LRRC4C: variants seen among roughly 807,000 people sequenced by gnomAD.
LRRC4C encodes leucine rich repeat containing 4C, also known as leucine-rich repeat-containing protein 4C.
LRRC4C carries 5 observed loss-of-function variants against 33.6 expected under a neutral mutation model. The ratio of observed to expected loss-of-function variants is 0.15; its 90% CI spans 0.08 to 0.31. The LOEUF is 0.31. Ranked by LOEUF, LRRC4C falls within the 10% of genes least tolerant of loss-of-function variation. The pLI is 1.00. For missense variants in LRRC4C, 560 were observed against 796.7 expected (o/e 0.70, Z 3.58); for synonymous variants, 329 against 302.0 (o/e 1.09, Z -0.93).
chr11:40,736,380 G>T (rs1185482760), intron 2 of LRRC4C, among the ~76,000 whole-genome samples: 2 of 152,054 alleles, frequency 1.3e-5, no homozygotes, highest in Non-Finnish European at 2.9e-5. Flanking sequence ...TCCATGGTGT[G>T]TACGAGCCAC....
intron 2 of LRRC4C, among the ~76,000 whole-genome samples, chr11:40,739,236 C>T (rs894064894): frequency 6.6e-6 from 1 of 152,040 alleles, no homozygotes; most frequent in African/African-American, 2.4e-5. Context: ...CATGTCCTAG[C>T]AACCTCCATT....
At chr11:40,597,719 TA>T (rs1321096108) in intron 3 of LRRC4C, among the ~76,000 whole-genome samples, 1 of 152,106 alleles carries the variant, frequency 6.6e-6, no homozygotes, top group East Asian at 1.9e-4. Flanking sequence ...AAAGAGGGCT[TA>T]AGGAACGCTG....
chr11:40,693,465 A>T (rs189769800), intron 2 of LRRC4C, among the ~76,000 whole-genome samples: 2 of 152,254 alleles, frequency 1.3e-5, no homozygotes, highest in African/African-American at 4.8e-5. Flanking sequence ...AATGAAGCAA[A>T]GTACATGTGT....
At position 41,153,274 on chromosome 11, in the gene LRRC4C, C is replaced by A. The variant is rs558698215; in HGVS notation, c.-495-219551G>T. On this transcript the variant is annotated intron_variant, in intron 1 of 6. Transcript: ENST00000528697. ...TCAGTTACTAGATATTGAGTACATGCATCAATCAACTGAGTTGAATACTTT... is the reference window on the plus strand; with the variant it reads ...TCAGTTACTAGATATTGAGTACATGAATCAATCAACTGAGTTGAATACTTT... 6.6e-5 allele frequency among the ~76,000 whole-genome samples: 10 copies of A among 152,218 alleles called. No individual in the cohort carries two copies. The South Asian group carries it at 1.5e-3, about 22-fold the overall frequency.
rs1943902237 is a variant in LRRC4C, at chr11:40,287,239, C to A, written c.-176+32389G>T. ...CCTCAGGTTTTCCAACATAAGGAAG[C>A]AACTTAATGTCACTGTATGTGTGTG... On this transcript the variant is annotated intron_variant, in intron 4 of 6. Coordinates refer to ENST00000528697, the MANE Select transcript of LRRC4C (RefSeq NM_001258419.2). 2.8e-5 allele frequency among the ~76,000 whole-genome samples: 4 copies of A among 145,126 alleles called. No homozygotes were observed. The South Asian group carries it at 9.2e-4, about 33-fold the overall frequency.
At chr11:40,310,390 A>T (rs546700165) in intron 4 of LRRC4C, among the ~76,000 whole-genome samples, 1 of 152,306 alleles carries the variant, frequency 6.6e-6, no homozygotes, top group African/African-American at 2.4e-5. Context: ...ACAGACTCTG[A>T]TGCCCTTCCA....
intron 2 of LRRC4C, among the ~76,000 whole-genome samples, chr11:40,750,057 C>T (rs2136977714): frequency 6.6e-6 from 1 of 152,116 alleles, no homozygotes; most frequent in African/African-American, 2.4e-5. Context: ...CCCCTCTCTA[C>T]TAAAAATACA....
At chr11:41,356,296 A>G (rs190096603) in intron 1 of LRRC4C, among the ~76,000 whole-genome samples, 1 of 152,180 alleles carries the variant, frequency 6.6e-6, no homozygotes, top group Admixed American at 6.6e-5. Flanking sequence ...TCTTGATTTT[A>G]TATCTACTGG....
intron 1 of LRRC4C, among the ~76,000 whole-genome samples, chr11:41,104,438 C>G (rs1460190259): frequency 6.6e-6 from 1 of 151,722 alleles, no homozygotes; most frequent in Admixed American, 6.6e-5. Flanking sequence ...ACTAAGAAGG[C>G]TATAATGGAA....
intron 1 of LRRC4C, among the ~76,000 whole-genome samples, chr11:41,405,824 T>C (rs944006002): frequency 5.3e-5 from 8 of 152,172 alleles, no homozygotes; most frequent in African/African-American, 1.7e-4. Flanking sequence ...ACACCTACTA[T>C]GTTTCAACCT....
intron 5 of LRRC4C, among the ~76,000 whole-genome samples, chr11:40,176,539 C>CT (rs529167473): frequency 0.046 from 6,397 of 138,884 alleles, 200 homozygotes; most frequent in Middle Eastern, 0.096. Flanking sequence ...TTTTTCCACT[C>CT]TTTTTTTTTT....
intron 1 of LRRC4C, among the ~76,000 whole-genome samples, chr11:41,137,295 C>T (rs1291705707): frequency 1.3e-5 from 2 of 152,024 alleles, no homozygotes; most frequent in African/African-American, 4.8e-5. Flanking sequence ...GGCACAAACA[C>T]ATTCATAGAC....
intron 2 of LRRC4C, among the ~76,000 whole-genome samples, chr11:40,851,175 TG>T (rs1358397085): frequency 6.7e-6 from 1 of 150,328 alleles, no homozygotes; most frequent in East Asian, 2.0e-4. Flanking sequence ...CACTGGGGTA[TG>T]GGGGAAAAAA....
At chr11:40,537,535 A>G (rs562924820) in intron 3 of LRRC4C, among the ~76,000 whole-genome samples, 1 of 152,344 alleles carries the variant, frequency 6.6e-6, no homozygotes, top group Admixed American at 6.5e-5. Context: ...AACAATGCCA[A>G]CTGATAGAGG....
chr11:40,712,548 T>G (rs1375537074), intron 2 of LRRC4C, among the ~76,000 whole-genome samples: 3 of 152,208 alleles, frequency 2.0e-5, no homozygotes, highest in African/African-American at 7.2e-5. Context: ...CTAGAAAAAC[T>G]TACAAATAGA....
At chr11:40,162,920 T>C (rs1187291283) in intron 5 of LRRC4C, among the ~76,000 whole-genome samples, 1 of 152,218 alleles carries the variant, frequency 6.6e-6, no homozygotes, top group Non-Finnish European at 1.5e-5. Context: ...TCAGCCTTTC[T>C]GGATGGAATG....
chr11:40,997,211 A>C (rs868380510), intron 1 of LRRC4C, among the ~76,000 whole-genome samples: 3 of 152,274 alleles, frequency 2.0e-5, no homozygotes, highest in Middle Eastern at 3.4e-3. Context: ...TACTGTGAGA[A>C]GAAAAATAAG....
At chr11:40,304,871 A>G (rs1209089570) in intron 4 of LRRC4C, among the ~76,000 whole-genome samples, 5 of 151,574 alleles carry the variant, frequency 3.3e-5, no homozygotes, top group Non-Finnish European at 7.4e-5. Context: ...GATCCTGAGC[A>G]CTCCTGCCTC....
chr11:40,623,289 A>G (rs1231359189), intron 3 of LRRC4C, among the ~76,000 whole-genome samples: 1 of 151,948 alleles, frequency 6.6e-6, no homozygotes, highest in East Asian at 1.9e-4. Context: ...AATTACTGAA[A>G]TTTCATTAAA....
Sources: gnomAD v4.1 joint callset for allele counts (sites outside exome capture counted in the v4.1 genomes callset) on GRCh38, gnomAD v4.1.1 for gene constraint, MANE v1.5 for transcripts, NCBI Gene and HGNC (gene_info 2026-07-23, HGNC 2026-07-21) for gene names.